Variants in RCL1 observed in about 807,000 individuals in gnomAD.
RCL1 encodes RNA 3'-terminal phosphate cyclase-like protein.
Under a neutral mutation model 42.4 loss-of-function variants are expected in RCL1, and 24 were observed. The ratio of observed to expected loss-of-function variants is 0.57; its 90% CI spans 0.41 to 0.80. The LOEUF (loss-of-function observed/expected upper bound fraction) is 0.80. Among genes scored for constraint, RCL1 ranks in the 30% least tolerant of loss-of-function variants. The pLI is 0.00. For synonymous variants in RCL1, 228 were observed against 177.3 expected (o/e 1.29, Z -2.27); for missense variants, 578 against 467.9 (o/e 1.24, Z -2.17).
rs879002726 is a variant in RCL1 at position 4,859,167 on chromosome 9, G to A, written c.972-958G>A. ...TTAGAAGCCTGTGCACCTGCACTGC[G>A]GTTCATCCACAGAATTGCTCTTCCC... is the stretch of plus-strand genomic sequence containing the variant. On this transcript the variant is annotated intron_variant, in intron 8 of 8. Coordinates refer to ENST00000381750, the MANE Select transcript of RCL1 (RefSeq NM_005772.5). 7.2e-5 allele frequency among the ~76,000 whole-genome samples: 11 copies of A among 152,168 alleles called. No individual in the cohort carries two copies. In the South Asian group the frequency reaches 1.0e-3, roughly 14 times the overall value.
Position 4,860,415 on chromosome 9 carries a change from A to C in RCL1, c.*140A>C. 3.3e-6 allele frequency: 3 copies of C among 917,370 alleles called. No homozygotes were observed. The highest frequency in any genetic ancestry group is 4.8e-6 in the Non-Finnish European group (3 of 628,948). 56.8% of individuals were successfully genotyped at this position (917,370 alleles called of 1,614,324 possible). On this transcript the variant is annotated 3_prime_UTR_variant, in exon 9 of 9. Transcript: ENST00000381750. ...TTTCTGTGAAGAAATATCAATATAC[A>C]AATAAAAGACATCCCTGTAGCATAT...
intron 1 of RCL1, among the ~76,000 whole-genome samples, chr9:4,819,324 C>T: frequency 6.6e-6 from 1 of 152,350 alleles, no homozygotes; most frequent in Middle Eastern, 3.4e-3. Context: ...CTGATCTGAT[C>T]TATGAAACTG....
At chr9:4,817,770 T>A (rs1563836654) in intron 1 of RCL1, among the ~76,000 whole-genome samples, 1 of 152,172 alleles carries the variant, frequency 6.6e-6, no homozygotes, top group African/African-American at 2.4e-5. Context: ...GTGCTGGGAT[T>A]ACAGGCGTGA....
intron 1 of RCL1, among the ~76,000 whole-genome samples, chr9:4,823,038 G>A (rs970980650): frequency 1.6e-4 from 24 of 152,170 alleles, no homozygotes; most frequent in African/African-American, 5.5e-4. Flanking sequence ...GATGGGAAAA[G>A]GGAGGGATAC....
At position 4,841,248 on chromosome 9, in the gene RCL1, TCACC is replaced by T; in HGVS notation, c.602_605del (p.Ser201PhefsTer29). The T allele has an allele frequency of 6.2e-7, 1 of 1,613,942 alleles. No individual in the cohort carries two copies. Among genetic ancestry groups the T allele is most frequent in the Non-Finnish European group, 8.5e-7 (1 of 1,179,846 alleles). ...AGGCTGCAGGTACTCTGTACGTGTGTCACCTCAGATGGCGAACCGGATTGTGGAT... is the reference window on the plus strand; with the variant it reads ...AGGCTGCAGGTACTCTGTACGTGTGTTCAGATGGCGAACCGGATTGTGGAT... On this transcript the variant is annotated frameshift_variant, in exon 6 of 9. Coordinates refer to ENST00000381750, the MANE Select transcript of RCL1 (RefSeq NM_005772.5). LOFTEE classifies it high-confidence loss of function.
intron 2 of RCL1, among the ~76,000 whole-genome samples, chr9:4,825,769 G>A (rs1241036515): frequency 6.6e-6 from 1 of 152,100 alleles, no homozygotes; most frequent in African/African-American, 2.4e-5. Context: ...CAGGCATGGT[G>A]GTTCATGCCT....
intron 3 of RCL1, among the ~76,000 whole-genome samples, chr9:4,830,018 T>G (rs1816897286): frequency 6.6e-6 from 1 of 152,022 alleles, no homozygotes; most frequent in South Asian, 2.1e-4. Flanking sequence ...GTGTTTAAGG[T>G]GTGAGTGGGA....
At chr9:4,837,655 A>G (rs1291870008) in intron 5 of RCL1, among the ~76,000 whole-genome samples, 1 of 152,096 alleles carries the variant, frequency 6.6e-6, no homozygotes, top group African/African-American at 2.4e-5. Context: ...GTGTCCTTTG[A>G]TGATGATGCT....
Position 4,834,011 on chromosome 9 carries a change from G to C in RCL1, c.460-130G>C, listed in dbSNP as rs903677038. On this transcript the variant is annotated intron_variant, in intron 4 of 8. Transcript: ENST00000381750. The stretch of plus-strand genomic sequence containing the variant: ...AGGTGCTGTTGGTCTTGAAGGGAAT[G>C]ACAGATTGAATATGGAAGAGCTATG... 37 of 1,011,590 alleles carry C rather than the reference G, an allele frequency of 3.7e-5. No homozygotes were observed. The African/African-American group carries it at 6.1e-4, about 17-fold the overall frequency. The allele number at this position is 1,011,590 out of a possible 1,614,324, so 62.7% of individuals were successfully genotyped here.
intron 3 of RCL1, among the ~76,000 whole-genome samples, chr9:4,831,866 G>A (rs1274606329): frequency 2.0e-5 from 3 of 152,160 alleles, no homozygotes; most frequent in Non-Finnish European, 2.9e-5. Context: ...ACTTGGAGAT[G>A]GCTGGGCTTG....
chr9:4,818,273 G>A (rs1466893367), intron 1 of RCL1, among the ~76,000 whole-genome samples: 1 of 151,784 alleles, frequency 6.6e-6, no homozygotes, highest in African/African-American at 2.4e-5. Flanking sequence ...AATCTCATCT[G>A]TTTTGATGAA....
At chr9:4,800,273 G>A (rs923837685) in intron 1 of RCL1, among the ~76,000 whole-genome samples, 1 of 152,030 alleles carries the variant, frequency 6.6e-6, no homozygotes, top group Middle Eastern at 3.4e-3. Context: ...GGAGTGCAGT[G>A]GCACGATCTT....
intron 8 of RCL1, among the ~76,000 whole-genome samples, chr9:4,859,114 G>A (rs1194326607): frequency 6.6e-6 from 1 of 152,178 alleles, no homozygotes; most frequent in African/African-American, 2.4e-5. Flanking sequence ...GCTAGCTGGG[G>A]TGACGCTAGG....
chr9:4,824,998 G>C (rs940799486), intron 2 of RCL1, among the ~76,000 whole-genome samples: 2 of 152,002 alleles, frequency 1.3e-5, no homozygotes, highest in African/African-American at 4.8e-5. Context: ...GGCGACTTCT[G>C]CCTCCCGGGT....
chr9:4,831,583 C>T (rs775660358), intron 3 of RCL1, among the ~76,000 whole-genome samples: 1 of 152,120 alleles, frequency 6.6e-6, no homozygotes, highest in Non-Finnish European at 1.5e-5. Context: ...CTCAAGTGAT[C>T]CTCCCACCTC....
chr9:4,794,255 G>A (rs1842878663), intron 1 of RCL1, among the ~76,000 whole-genome samples: 1 of 152,184 alleles, frequency 6.6e-6, no homozygotes, highest in African/African-American at 2.4e-5. Flanking sequence ...CCTCTCTTGG[G>A]TGGTGATTGG....
At chr9:4,803,859 A>T (rs1206577902) in intron 1 of RCL1, 1 of 158,344 alleles carries the variant, frequency 6.3e-6, no homozygotes, top group Non-Finnish European at 1.4e-5. Flanking sequence ...TGGCATTGGA[A>T]CGGGCTGTTC....
chr9:4,806,016 G>GT (rs1815938313), intron 1 of RCL1, among the ~76,000 whole-genome samples: 2 of 93,022 alleles, frequency 2.2e-5, no homozygotes, highest in Admixed American at 1.5e-4. Context: ...AATACCATTG[G>GT]GGTGTGTGTG....
intron 1 of RCL1, among the ~76,000 whole-genome samples, chr9:4,807,216 G>A (rs942514874): frequency 5.9e-5 from 9 of 152,208 alleles, no homozygotes; most frequent in Non-Finnish European, 1.2e-4. Flanking sequence ...TAAAGACCCG[G>A]TTCTGTGTTT....
Sources: allele counts gnomAD v4.1 joint callset (sites outside exome capture counted in the v4.1 genomes callset), GRCh38; gene constraint gnomAD v4.1.1; transcripts MANE v1.5; gene names NCBI Gene and HGNC (gene_info 2026-07-23, HGNC 2026-07-21).